The following LRRC56 variants were observed in gnomAD, a reference collection of about 807,000 sequenced individuals.
The protein encoded by LRRC56 is leucine-rich repeat-containing protein 56.
LRRC56 carries 41 observed loss-of-function variants against 47.8 expected under a neutral mutation model. The observed-to-expected ratio is 0.86, with a 90% CI of 0.67 to 1.11. The LOEUF is 1.11. Among genes scored for constraint, LRRC56 ranks in the 50% most tolerant of loss-of-function variants. LRRC56 has a pLI of 0.00. For synonymous variants in LRRC56, 387 were observed against 311.2 expected (o/e 1.24, Z -2.56); for missense variants, 759 against 704.2 (o/e 1.08, Z -0.88).
At chr11:524,734 A>T in the LRRC56 span, among the ~76,000 whole-genome samples, 1 of 152,216 alleles carries the variant, frequency 6.6e-6, no homozygotes, top group Non-Finnish European at 1.5e-5. Flanking sequence ...AGAAAAATGA[A>T]TCTTGACCTA....
chr11:509,765 G>A, the LRRC56 span, among the ~76,000 whole-genome samples: 6 of 147,074 alleles, frequency 4.1e-5, no homozygotes, highest in East Asian at 2.0e-4. Flanking sequence ...GGGTTTCAGC[G>A]TGTTAGCCAG....
At chr11:520,884 C>T in the LRRC56 span, among the ~76,000 whole-genome samples, 4 of 152,148 alleles carry the variant, frequency 2.6e-5, no homozygotes, top group African/African-American at 4.8e-5. Flanking sequence ...CGCACCCACC[C>T]GCCAGCTGCT....
chr11:530,722 A>C, the LRRC56 span, among the ~76,000 whole-genome samples: 12 of 51,882 alleles, frequency 2.3e-4, no homozygotes, highest in Admixed American at 1.6e-4. Flanking sequence ...CCTGGAGAGA[A>C]GGGGGAGTGT....
chr11:550,991 G>T (rs1852352024), intron 8 of LRRC56, 140 bp from the exon 9 acceptor site: 2 of 536,018 alleles, frequency 3.7e-6, no homozygotes. Context: ...GCCCACCCCT[G>T]CAGGGTAGGC....
the LRRC56 span, among the ~76,000 whole-genome samples, chr11:512,952 C>T: frequency 5.9e-5 from 9 of 152,282 alleles, no homozygotes; most frequent in South Asian, 4.1e-4. Flanking sequence ...AATGACCCCA[C>T]GACCCAAAAG....
chr11:532,851 A>G, upstream of LRRC56: 1 of 1,267,294 alleles, frequency 7.9e-7, no homozygotes, highest in Admixed American at 1.8e-5. Flanking sequence ...GCCTGGCCCG[A>G]AGCTCCCGAC....
At chr11:549,762 C>T in intron 6 of LRRC56, 140 bp from the exon 7 acceptor site, 6 of 668,938 alleles carry the variant, frequency 9.0e-6, no homozygotes, top group Non-Finnish European at 1.5e-5. Flanking sequence ...GCCAGAAGGC[C>T]AAGGCAGAGA....
At chr11:552,296 C>CTACCT (rs1852442648) in intron 12 of LRRC56, 64 bp downstream of exon 12, 1 of 1,552,002 alleles carries the variant, frequency 6.4e-7, no homozygotes, top group Non-Finnish European at 8.8e-7. Flanking sequence ...AGGGCTGGGG[C>CTACCT]TACCTTGGCT....
chr11:521,868 T>A, the LRRC56 span, among the ~76,000 whole-genome samples: 4 of 150,522 alleles, frequency 2.7e-5, no homozygotes, highest in East Asian at 7.9e-4. Flanking sequence ...TGAGCCGAGA[T>A]CACGCCACTG....
chr11:536,234 C>T (rs1239625703), upstream of LRRC56, among the ~76,000 whole-genome samples: 2 of 152,242 alleles, frequency 1.3e-5, no homozygotes, highest in African/African-American at 4.8e-5. Context: ...CACCACTCTC[C>T]TCTTTCTCGG....
chr11:552,800 C>A, intron 13 of LRRC56, 98 bp downstream of exon 13: 4 of 1,036,378 alleles, frequency 3.9e-6, no homozygotes, highest in Non-Finnish European at 5.6e-6. Context: ...GTCAACCTGG[C>A]CCTGCTTCCT....
intron 3 of LRRC56, among the ~76,000 whole-genome samples, chr11:539,952 C>T (rs1851714478): frequency 6.6e-6 from 1 of 152,220 alleles, no homozygotes; most frequent in Non-Finnish European, 1.5e-5. Context: ...ACACCTGACT[C>T]TCTTCCTCCT....
chr11:517,641 C>T, the LRRC56 span, among the ~76,000 whole-genome samples: 443 of 152,164 alleles, frequency 2.9e-3, 5 homozygotes, highest in South Asian at 7.7e-3. Context: ...CAGGCCGCCC[C>T]GTCTGGGAAG....
In LRRC56 at chr11:554,404, C is replaced by G; in HGVS notation, c.*128C>G. On this transcript the variant is annotated 3_prime_UTR_variant, in exon 14 of 14. Coordinates refer to ENST00000270115, the MANE Select transcript of LRRC56 (RefSeq NM_198075.4). ...GGAGTGCCTGGCCCTGGGGAGGACCCTCTTGGTGGAGGGGAGTGGGGGACT... is the reference window on the plus strand; with the variant it reads ...GGAGTGCCTGGCCCTGGGGAGGACCGTCTTGGTGGAGGGGAGTGGGGGACT... 1 of 820,266 alleles carries G rather than the reference C, an allele frequency of 1.2e-6. No homozygotes were observed. Among genetic ancestry groups the G allele is most frequent in the Non-Finnish European group, 1.7e-6 (1 of 585,448 alleles). 50.8% of individuals were successfully genotyped at this position (820,266 alleles called of 1,614,324 possible). A position where few individuals can be genotyped will look rare whatever the true frequency, so the allele number is the denominator to read the frequency against.
Position 541,755 on chromosome 11 carries a change from C to A in LRRC56, c.265+131C>A, listed in dbSNP as rs985380338. 3 of 580,450 alleles carry A rather than the reference C, an allele frequency of 5.2e-6. No homozygotes were observed. Among genetic ancestry groups the A allele is most frequent in the South Asian group, 4.8e-5 (2 of 41,336 alleles). 36.0% of individuals were successfully genotyped at this position (580,450 alleles called of 1,614,324 possible). A position where few individuals can be genotyped will look rare whatever the true frequency, so the allele number is the denominator to read the frequency against. On this transcript the variant is annotated intron_variant, in intron 5 of 13. Coordinates refer to ENST00000270115, the MANE Select transcript of LRRC56 (RefSeq NM_198075.4). The surrounding 1 kb of genome is among the most constrained non-coding windows in gnomAD (Gnocchi z 4.1). ...CGCGTATCGGCTTCCTTAGGGTTGG[C>A]CTCTGACCTGAGGTCTGTGTCAGGT... is the stretch of plus-strand genomic sequence containing the variant.
chr11:529,773 G>A, the LRRC56 span: 1 of 152,452 alleles, frequency 6.6e-6, no homozygotes, highest in Non-Finnish European at 1.5e-5. Flanking sequence ...CCAGGCCTCT[G>A]CGGGTAACCC....
chr11:533,663 A>G, upstream of LRRC56: 1 of 1,612,576 alleles, frequency 6.2e-7, no homozygotes, highest in Non-Finnish European at 8.5e-7. Flanking sequence ...GCGCAGCGGC[A>G]TCCAGGACAT....
intron 5 of LRRC56, among the ~76,000 whole-genome samples, chr11:542,171 G>A (rs1388807058): frequency 2.5e-5 from 3 of 121,140 alleles, no homozygotes; most frequent in Non-Finnish European, 3.4e-5. Flanking sequence ...ACACACCCAC[G>A]CCAGTACCCC....
chr11:548,292 T>C (rs953211165), intron 6 of LRRC56, among the ~76,000 whole-genome samples: 1 of 152,194 alleles, frequency 6.6e-6, no homozygotes, highest in African/African-American at 2.4e-5. Flanking sequence ...CTTGTCTTTT[T>C]TTCTTTGAGA....
Sources: gnomAD v4.1 joint callset for allele counts (sites outside exome capture counted in the v4.1 genomes callset) on GRCh38, gnomAD v4.1.1 for gene constraint, Gnocchi (gnomAD v3.1) non-coding constraint, MANE v1.5 for transcripts, NCBI Gene and HGNC (gene_info 2026-07-23, HGNC 2026-07-21) for gene names.